SLC24A2: variants seen among roughly 807,000 people sequenced by gnomAD.
The protein encoded by SLC24A2 is sodium/potassium/calcium exchanger 2.
SLC24A2 carries 36 observed loss-of-function variants against 62.0 expected under a neutral mutation model. The observed-to-expected ratio is 0.58, with a 90% CI of 0.44 to 0.77. SLC24A2 has a LOEUF of 0.77. SLC24A2 is among the 30% of genes least tolerant of loss of function. The pLI is 0.00. For missense variants in SLC24A2, 846 were observed against 817.9 expected (o/e 1.03, Z -0.42); for synonymous variants, 358 against 294.0 (o/e 1.22, Z -2.23).
At chr9:20,266,162 A>G in the SLC24A2 span, among the ~76,000 whole-genome samples, 2 of 152,148 alleles carry the variant, frequency 1.3e-5, no homozygotes, top group Non-Finnish European at 2.9e-5. Context: ...CTTGTAAAGC[A>G]TGTGATCTCT....
the SLC24A2 span, among the ~76,000 whole-genome samples, chr9:20,129,048 G>A: frequency 6.6e-6 from 1 of 151,952 alleles, no homozygotes; most frequent in Non-Finnish European, 1.5e-5. Flanking sequence ...TCTCATAAGA[G>A]CCTAATATCT....
intron 7 of SLC24A2, among the ~76,000 whole-genome samples, chr9:19,560,890 T>TGA: frequency 7.6e-5 from 2 of 26,148 alleles, no homozygotes; most frequent in African/African-American, 3.1e-4. Context: ...TGTGTGTGTG[T>TGA]GTGTGTGTAT....
rs1450330176 is a variant in SLC24A2 at position 19,599,608 on chromosome 9, C to T, written c.1079-2329G>A. 6.6e-6 allele frequency among the ~76,000 whole-genome samples: 1 copy of T among 152,218 alleles called. No individual in the cohort carries two copies. The highest frequency in any genetic ancestry group is 2.4e-5 in the African/African-American group (1 of 41,466). ...GATGGTGAGATGGTGAACTCAGCAGCAGCATCCTAAGGAGGATTGGGCAGC... is the reference window on the plus strand; with the variant it reads ...GATGGTGAGATGGTGAACTCAGCAGTAGCATCCTAAGGAGGATTGGGCAGC... On this transcript the variant is annotated intron_variant, in intron 4 of 10. Coordinates refer to ENST00000341998, the MANE Select transcript of SLC24A2 (RefSeq NM_020344.4). The surrounding 1 kb of genome is among the most constrained non-coding windows in gnomAD (Gnocchi z 4.5).
rs56114988 is a variant in SLC24A2, at chr9:19,764,943, G to A, written c.930+20994C>T. 8.5e-4 allele frequency among the ~76,000 whole-genome samples: 130 copies of A among 152,234 alleles called. 1 individual carries two copies. Among genetic ancestry groups the A allele is most frequent in the South Asian group, 1.5e-3 (7 of 4,822 alleles). ...TGTGGGAGTCTAAATCTCTTTGTAT[G>A]TCTCTAATAACTTGCTTTATGAATC... On this transcript the variant is annotated intron_variant, in intron 2 of 10. Transcript: ENST00000341998.
chr9:19,983,082 C>T, the SLC24A2 span, among the ~76,000 whole-genome samples: 3 of 152,086 alleles, frequency 2.0e-5, no homozygotes, highest in South Asian at 4.1e-4. Context: ...CAAAAGCTTG[C>T]CCCCTAAGAT....
chr9:20,224,921 A>C, the SLC24A2 span, among the ~76,000 whole-genome samples: 3 of 151,840 alleles, frequency 2.0e-5, no homozygotes, highest in African/African-American at 7.3e-5. Context: ...GGGAGCTTGC[A>C]CTCTTCTCTT....
chr9:19,820,028 CATAT>C, the SLC24A2 span, among the ~76,000 whole-genome samples: 6 of 54,582 alleles, frequency 1.1e-4, no homozygotes, highest in South Asian at 1.8e-3. Context: ...TATATATACA[CATAT>C]ATATATATAC....
rs544407186 is a variant in SLC24A2 at position 19,680,253 on chromosome 9, C to T, written c.931-57954G>A. 9.2e-5 allele frequency among the ~76,000 whole-genome samples: 14 copies of T among 152,258 alleles called. No individual in the cohort carries two copies. The South Asian group carries it at 2.9e-3, about 32-fold the overall frequency. On this transcript the variant is annotated intron_variant, in intron 2 of 10. Coordinates refer to ENST00000341998, the MANE Select transcript of SLC24A2 (RefSeq NM_020344.4). ...CCTAACAGAAGAGGTGTCCCTTCAG[C>T]TGAGTTCTGAAGGATGATAGCAGTG... is the stretch of plus-strand genomic sequence containing the variant.
the SLC24A2 span, among the ~76,000 whole-genome samples, chr9:20,141,381 C>T: frequency 1.3e-5 from 2 of 152,198 alleles, no homozygotes; most frequent in African/African-American, 4.8e-5. Flanking sequence ...GTGGTCGTCT[C>T]ATTGTTGTGG....
intron 9 of SLC24A2, among the ~76,000 whole-genome samples, chr9:19,522,175 GT>G (rs752994614): frequency 2.6e-4 from 40 of 151,904 alleles, no homozygotes; most frequent in Admixed American, 1.4e-3. Context: ...CACCTGGCTA[GT>G]TTTTTTTAGA....
intron 2 of SLC24A2, among the ~76,000 whole-genome samples, chr9:19,631,026 C>A (rs983306930): frequency 4.6e-5 from 7 of 152,180 alleles, no homozygotes; most frequent in African/African-American, 1.7e-4. Flanking sequence ...TCCCCTCCTC[C>A]CCACTTCCTC....
At chr9:20,278,495 G>T in the SLC24A2 span, among the ~76,000 whole-genome samples, 1 of 152,150 alleles carries the variant, frequency 6.6e-6, no homozygotes, top group Non-Finnish European at 1.5e-5. Context: ...CTCTAGGGCA[G>T]GGTCAATATG....
At chr9:19,593,035 T>A (rs1836602597) in intron 5 of SLC24A2, among the ~76,000 whole-genome samples, 2 of 152,244 alleles carry the variant, frequency 1.3e-5, no homozygotes, top group Admixed American at 1.3e-4. Flanking sequence ...TCAGTTATTA[T>A]TAAGTGAATG....
At chr9:20,258,140 G>A in the SLC24A2 span, among the ~76,000 whole-genome samples, 3 of 152,136 alleles carry the variant, frequency 2.0e-5, no homozygotes, top group African/African-American at 7.2e-5. Context: ...CCTAACATCC[G>A]GAACGGTGAT....
At chr9:19,956,645 T>C in the SLC24A2 span, among the ~76,000 whole-genome samples, 1 of 152,158 alleles carries the variant, frequency 6.6e-6, no homozygotes, top group Non-Finnish European at 1.5e-5. Flanking sequence ...ACTCCCGTTT[T>C]TAAAACCATC....
chr9:20,242,075 G>A, the SLC24A2 span, among the ~76,000 whole-genome samples: 4 of 152,136 alleles, frequency 2.6e-5, no homozygotes, highest in East Asian at 3.9e-4. Context: ...ATGGACTAAC[G>A]CGCCAGCAGG....
intron 5 of SLC24A2, among the ~76,000 whole-genome samples, chr9:19,580,104 T>C (rs1563980026): frequency 6.6e-6 from 1 of 152,246 alleles, no homozygotes; most frequent in Non-Finnish European, 1.5e-5. Flanking sequence ...GCGTTATTTG[T>C]GTCCTCTTGC....
At chr9:20,101,513 G>C in the SLC24A2 span, among the ~76,000 whole-genome samples, 2 of 152,190 alleles carry the variant, frequency 1.3e-5, no homozygotes, top group African/African-American at 2.4e-5. Flanking sequence ...GACATTAATT[G>C]TTCTTGTAGA....
At chr9:20,276,696 C>G in the SLC24A2 span, among the ~76,000 whole-genome samples, 1 of 152,252 alleles carries the variant, frequency 6.6e-6, no homozygotes, top group Non-Finnish European at 1.5e-5. Flanking sequence ...TCTGCCCCTG[C>G]AGCACACCTC....
Sources: allele counts gnomAD v4.1 joint callset (sites outside exome capture counted in the v4.1 genomes callset), GRCh38; gene constraint gnomAD v4.1.1; non-coding constraint Gnocchi (gnomAD v3.1); transcripts MANE v1.5; gene names NCBI Gene and HGNC (gene_info 2026-07-23, HGNC 2026-07-21).